Variants in DGKI observed in about 807,000 individuals in gnomAD.
The protein encoded by DGKI is diacylglycerol kinase iota.
A neutral mutation model predicts 147.5 loss-of-function variants in DGKI; 55 were observed. The observed-to-expected ratio is 0.37, with a 90% CI of 0.30 to 0.47. DGKI has a LOEUF of 0.47. Among genes scored for constraint, DGKI ranks in the 20% least tolerant of loss-of-function variants. DGKI has a pLI of 1.00. For synonymous variants in DGKI, 469 were observed against 477.1 expected (o/e 0.98, Z 0.22); for missense variants, 1,007 against 1,323.8 (o/e 0.76, Z 3.71).
chr7:137,788,233 T>C (rs1255563696), intron 1 of DGKI, among the ~76,000 whole-genome samples: 1 of 152,150 alleles, frequency 6.6e-6, no homozygotes, highest in South Asian at 2.1e-4. Context: ...TCCACACTTC[T>C]TGTCAGTTCT....
intron 28 of DGKI, among the ~76,000 whole-genome samples, chr7:137,426,496 A>G (rs1295511990): frequency 6.6e-6 from 1 of 152,140 alleles, no homozygotes; most frequent in South Asian, 2.1e-4. Flanking sequence ...ATCAACTAAC[A>G]AGCAAAATAA....
At chr7:137,562,364 C>T (rs374607531) in intron 19 of DGKI, among the ~76,000 whole-genome samples, 27 of 152,172 alleles carry the variant, frequency 1.8e-4, no homozygotes, top group Non-Finnish European at 3.1e-4. Context: ...GGTGAAACCT[C>T]GCCTCTACTA....
intron 23 of DGKI, among the ~76,000 whole-genome samples, chr7:137,474,324 T>C (rs188488675): frequency 1.8e-4 from 28 of 152,282 alleles, no homozygotes; most frequent in Non-Finnish European, 3.4e-4. Context: ...AAATTGGAGA[T>C]TTTTTTGAAG....
intron 1 of DGKI, among the ~76,000 whole-genome samples, chr7:137,836,000 T>G (rs1276013929): frequency 6.6e-6 from 1 of 152,212 alleles, no homozygotes; most frequent in African/African-American, 2.4e-5. Flanking sequence ...TAAGATTGTT[T>G]TGTGAGTAGT....
At chr7:137,707,287 C>G (rs1794068080) in intron 1 of DGKI, among the ~76,000 whole-genome samples, 1 of 152,198 alleles carries the variant, frequency 6.6e-6, no homozygotes, top group Non-Finnish European at 1.5e-5. Context: ...AGGCAGTGTC[C>G]TCAACTGATT....
chr7:137,465,834 G>A, intron 26 of DGKI, 74 bp downstream of exon 26: 1 of 1,540,358 alleles, frequency 6.5e-7, no homozygotes, highest in Non-Finnish European at 8.8e-7. Flanking sequence ...TTAGAACGAT[G>A]TCAAGTTCAA....
At chr7:137,680,931 TG>T (rs1209012263) in intron 2 of DGKI, among the ~76,000 whole-genome samples, 1 of 152,178 alleles carries the variant, frequency 6.6e-6, no homozygotes, top group Non-Finnish European at 1.5e-5. Context: ...CAAATAATTC[TG>T]GGGTAAGAAC....
chr7:137,510,855 A>G (rs1393180542), intron 21 of DGKI, among the ~76,000 whole-genome samples: 1 of 152,218 alleles, frequency 6.6e-6, no homozygotes, highest in Non-Finnish European at 1.5e-5. Flanking sequence ...GAATAAACAA[A>G]TTATACATGG....
At chr7:137,654,670 G>T in intron 5 of DGKI, 62 bp downstream of exon 5, 1 of 1,155,248 alleles carries the variant, frequency 8.7e-7, no homozygotes, top group Non-Finnish European at 1.3e-6. Context: ...GAATATCTAT[G>T]AATCCACTGA....
chr7:137,577,766 A>G (rs775899661), intron 16 of DGKI, among the ~76,000 whole-genome samples: 5 of 152,030 alleles, frequency 3.3e-5, no homozygotes, highest in Non-Finnish European at 7.4e-5. Context: ...TTCATTCTCT[A>G]TTTACTACTA....
intron 27 of DGKI, among the ~76,000 whole-genome samples, chr7:137,447,842 C>T (rs556298191): frequency 6.6e-6 from 1 of 152,208 alleles, no homozygotes; most frequent in East Asian, 1.9e-4. Context: ...AATTAAAAGG[C>T]AGAGCTCAAG....
intron 21 of DGKI, among the ~76,000 whole-genome samples, chr7:137,491,392 G>T (rs1245437194): frequency 1.3e-5 from 2 of 152,046 alleles, no homozygotes; most frequent in East Asian, 3.9e-4. Flanking sequence ...AAAAACATTG[G>T]AAAACTCATC....
chr7:137,457,205 T>G (rs572582631), intron 27 of DGKI, among the ~76,000 whole-genome samples: 1 of 152,288 alleles, frequency 6.6e-6, no homozygotes. Context: ...GACCCAACTA[T>G]CTCAGTGAAA....
intron 1 of DGKI, among the ~76,000 whole-genome samples, chr7:137,725,103 C>T (rs1794682158): frequency 6.6e-6 from 1 of 152,116 alleles, no homozygotes; most frequent in South Asian, 2.1e-4. Context: ...CCCTGAGGAA[C>T]TCATCCCAGG....
At chr7:137,416,967 T>G (rs149895589) in intron 28 of DGKI, among the ~76,000 whole-genome samples, 1 of 152,328 alleles carries the variant, frequency 6.6e-6, no homozygotes, top group East Asian at 1.9e-4. Flanking sequence ...CAAGGCTCAC[T>G]TCTCTCTCCT....
intron 1 of DGKI, among the ~76,000 whole-genome samples, chr7:137,691,280 T>G (rs1823594619): frequency 6.6e-6 from 1 of 152,188 alleles, no homozygotes; most frequent in South Asian, 2.1e-4. Flanking sequence ...CATCAGCAAT[T>G]GCATTATTTA....
chr7:137,503,766 A>G (rs1816267768), intron 21 of DGKI, among the ~76,000 whole-genome samples: 1 of 152,098 alleles, frequency 6.6e-6, no homozygotes, highest in Non-Finnish European at 1.5e-5. Flanking sequence ...ACTGAGAAAG[A>G]TCATATTATC....
chr7:137,535,154 GTA>G (rs1817474551), intron 20 of DGKI, among the ~76,000 whole-genome samples: 1 of 152,004 alleles, frequency 6.6e-6, no homozygotes. Context: ...ACTCATACAG[GTA>G]TCTACTAAAA....
intron 20 of DGKI, among the ~76,000 whole-genome samples, chr7:137,538,688 A>G (rs1817593844): frequency 6.6e-6 from 1 of 152,190 alleles, no homozygotes; most frequent in African/African-American, 2.4e-5. Flanking sequence ...TCTCTGCTTC[A>G]AAAAACAGGG....
Sources: allele counts gnomAD v4.1 joint callset (sites outside exome capture counted in the v4.1 genomes callset), GRCh38; gene constraint gnomAD v4.1.1; transcripts MANE v1.5; gene names NCBI Gene and HGNC (gene_info 2026-07-23, HGNC 2026-07-21).